The following PCSK6 variants were observed in gnomAD, a reference collection of about 807,000 sequenced individuals.
PCSK6 encodes the protein paired basic amino acid cleaving enzyme 4.
In PCSK6, 85 loss-of-function variants were observed where a neutral mutation model predicts 123.3. The observed-to-expected ratio is 0.69, with a 90% confidence interval of 0.58 to 0.83. PCSK6 has a LOEUF of 0.83. Ranked by LOEUF, PCSK6 falls within the 40% of genes least tolerant of loss-of-function variation. PCSK6 has a pLI of 0.00. For missense variants in PCSK6, 1,191 were observed against 1,282.3 expected (o/e 0.93, Z 1.09); for synonymous variants, 508 against 516.0 (o/e 0.98, Z 0.21).
At chr15:101,454,028 C>G (rs1552950) in intron 1 of PCSK6, among the ~76,000 whole-genome samples, 36,681 of 152,170 alleles carry the variant, frequency 0.24, 4,884 homozygotes, top group South Asian at 0.34. Context: ...GCCAGGCCCC[C>G]TCCTGGACTC....
intron 13 of PCSK6, among the ~76,000 whole-genome samples, chr15:101,354,298 A>G (rs968530696): frequency 2.2e-4 from 33 of 152,326 alleles, no homozygotes; most frequent in Admixed American, 7.2e-4. Context: ...AGATACATAC[A>G]AGCCCACATA....
chr15:101,489,324 G>A, intron 1 of PCSK6, 50 bp downstream of exon 1: 3 of 1,088,774 alleles, frequency 2.8e-6, no homozygotes, highest in South Asian at 3.1e-5. Context: ...CCTCGCGCGC[G>A]CCGGAGGCCG....
At chr15:101,475,754 G>A (rs771718066) in intron 1 of PCSK6, among the ~76,000 whole-genome samples, 4 of 148,342 alleles carry the variant, frequency 2.7e-5, no homozygotes, top group African/African-American at 5.0e-5. Flanking sequence ...GCCTCCCAAA[G>A]TGCTGGGACT....
chr15:101,413,813 T>G (rs2055789805), intron 6 of PCSK6, among the ~76,000 whole-genome samples: 1 of 151,442 alleles, frequency 6.6e-6, no homozygotes. Context: ...CTTAAATATG[T>G]GAAATGTCAT....
At chr15:101,383,802 G>GA (rs1300041811) in intron 10 of PCSK6, among the ~76,000 whole-genome samples, 2 of 152,052 alleles carry the variant, frequency 1.3e-5, no homozygotes, top group Non-Finnish European at 2.9e-5. Context: ...ATGCACATTA[G>GA]AAAAAATACG....
At chr15:101,333,169 G>A (rs56278789) in intron 13 of PCSK6, among the ~76,000 whole-genome samples, 14,812 of 151,944 alleles carry the variant, frequency 0.097, 1,912 homozygotes, top group African/African-American at 0.29. Context: ...TTTTAACCAC[G>A]GCATCCCCAG....
intron 13 of PCSK6, among the ~76,000 whole-genome samples, chr15:101,356,163 G>A (rs980507413): frequency 4.6e-5 from 7 of 152,142 alleles, no homozygotes; most frequent in East Asian, 1.9e-4. Context: ...AAACTTCTCC[G>A]ACAGATGTTC....
rs572270468 is a variant in PCSK6, at chr15:101,404,257, T to C, written c.824-5681A>G. Among the ~76,000 whole-genome samples the C allele has an allele frequency of 3.9e-5, 6 of 152,306 alleles. No individual in the cohort carries two copies. The South Asian group carries it at 1.2e-3, about 32-fold the overall frequency. ...GGGTTTCTGGGTTTGCTGGCATCTATTGTAAGTTCCTTTCCCCCTTTTATA... is the reference window on the plus strand; with the variant it reads ...GGGTTTCTGGGTTTGCTGGCATCTACTGTAAGTTCCTTTCCCCCTTTTATA... On this transcript the variant is annotated intron_variant, in intron 6 of 21. Transcript: ENST00000611716.
At chr15:101,400,310 C>T (rs548408115) in intron 6 of PCSK6, among the ~76,000 whole-genome samples, 28 of 152,218 alleles carry the variant, frequency 1.8e-4, no homozygotes, top group Non-Finnish European at 3.5e-4. Context: ...TCTTCCAAGG[C>T]TTAGTGGCTG....
At chr15:101,451,627 C>T (rs1199670498) in intron 1 of PCSK6, among the ~76,000 whole-genome samples, 2 of 152,220 alleles carry the variant, frequency 1.3e-5, no homozygotes, top group Admixed American at 6.5e-5. Flanking sequence ...AAACCCCGTC[C>T]GCTCCGCAGC....
chr15:101,443,713 C>G (rs2056816711), intron 1 of PCSK6, 53 bp from the exon 2 acceptor site: 3 of 1,285,248 alleles, frequency 2.3e-6, no homozygotes, highest in African/African-American at 2.9e-5. Flanking sequence ...GAACAGCTTC[C>G]AAAATCTTCC....
intron 1 of PCSK6, 52 bp from the exon 2 acceptor site, chr15:101,443,712 C>T (rs372882983): frequency 7.8e-7 from 1 of 1,287,364 alleles, no homozygotes; most frequent in Non-Finnish European, 1.1e-6. Flanking sequence ...CGAACAGCTT[C>T]CAAAATCTTC....
At chr15:101,478,406 C>T (rs572384968) in intron 1 of PCSK6, among the ~76,000 whole-genome samples, 66 of 152,238 alleles carry the variant, frequency 4.3e-4, no homozygotes, top group East Asian at 1.7e-3. Flanking sequence ...AGTACAGGCA[C>T]GAGCCAGACT....
At chr15:101,395,293 G>A (rs1465211034) in intron 7 of PCSK6, among the ~76,000 whole-genome samples, 2 of 152,208 alleles carry the variant, frequency 1.3e-5, no homozygotes, top group African/African-American at 2.4e-5. Flanking sequence ...CTGTTACAAT[G>A]CAGACTTGTG....
intron 6 of PCSK6, among the ~76,000 whole-genome samples, chr15:101,412,691 T>TTTTATATATATATA (rs772007096): frequency 8.0e-5 from 10 of 124,744 alleles, no homozygotes; most frequent in African/African-American, 3.5e-4. Context: ...AACTGGAAAA[T>TTTTATATATATATA]TATATATATA....
chr15:101,457,397 C>T (rs1013120109), intron 1 of PCSK6, among the ~76,000 whole-genome samples: 11 of 152,092 alleles, frequency 7.2e-5, no homozygotes, highest in East Asian at 3.9e-4. Context: ...ATAAATGAGG[C>T]GTGATGCATA....
At chr15:101,429,282 C>T (rs975755418) in intron 5 of PCSK6, among the ~76,000 whole-genome samples, 8 of 152,102 alleles carry the variant, frequency 5.3e-5, no homozygotes, top group African/African-American at 7.2e-5. Flanking sequence ...CCAGGGCTGC[C>T]GTTTACACTG....
intron 1 of PCSK6, among the ~76,000 whole-genome samples, chr15:101,457,873 A>G (rs985682396): frequency 6.6e-6 from 1 of 152,248 alleles, no homozygotes; most frequent in Non-Finnish European, 1.5e-5. Context: ...CCAGACTGAA[A>G]CATTTTTTAA....
intron 3 of PCSK6, 142 bp downstream of exon 3, chr15:101,431,848 G>A (rs2056456801): frequency 1.3e-5 from 9 of 693,842 alleles, no homozygotes; most frequent in East Asian, 5.4e-5. Flanking sequence ...ACAGCCTTGC[G>A]GTAGTGGTTT....
Sources: allele counts gnomAD v4.1 joint callset (sites outside exome capture counted in the v4.1 genomes callset), GRCh38; gene constraint gnomAD v4.1.1; transcripts MANE v1.5; gene names NCBI Gene and HGNC (gene_info 2026-07-23, HGNC 2026-07-21).